Variants in INO80 observed in about 807,000 individuals in gnomAD.
INO80 encodes INO80 complex ATPase subunit, also known as chromatin-remodeling ATPase INO80.
Under a neutral mutation model 203.4 loss-of-function variants are expected in INO80, and 20 were observed. The ratio of observed to expected loss-of-function variants is 0.10; its 90% CI spans 0.07 to 0.14. The LOEUF (loss-of-function observed/expected upper bound fraction) is 0.14, where lower values mean the gene tolerates loss of function less well. Among genes scored for constraint, INO80 ranks in the 10% least tolerant of loss-of-function variants. The pLI, the probability that INO80 is intolerant of heterozygous loss-of-function variation, is 1.00. For missense variants in INO80, 1,419 were observed against 1,914.4 expected (o/e 0.74, Z 4.83); for synonymous variants, 726 against 685.2 (o/e 1.06, Z -0.93).
chr15:41,060,565 A>C (rs574641799), intron 14 of INO80, among the ~76,000 whole-genome samples: 2 of 152,190 alleles, frequency 1.3e-5, no homozygotes, highest in South Asian at 2.1e-4. Flanking sequence ...AGGAAAAAAA[A>C]AAAACAAAAA....
chr15:41,066,529 C>T (rs1215893609), intron 14 of INO80, among the ~76,000 whole-genome samples: 1 of 150,696 alleles, frequency 6.6e-6, no homozygotes, highest in Non-Finnish European at 1.5e-5. Context: ...TATTGGGGCA[C>T]TAGGAAAAAA....
chr15:41,050,353 T>G (rs1296736109), intron 19 of INO80, among the ~76,000 whole-genome samples: 5 of 152,156 alleles, frequency 3.3e-5, no homozygotes, highest in African/African-American at 1.2e-4. Context: ...CTGTGCCAAC[T>G]AACACCCATC....
At chr15:41,059,759 T>C (rs1302841210) in intron 15 of INO80, 108 bp downstream of exon 15, 1 of 689,472 alleles carries the variant, frequency 1.5e-6, no homozygotes, top group South Asian at 2.4e-5. Flanking sequence ...TGTCCAGAAA[T>C]ATATAATAGA....
chr15:40,984,163 C>T (rs569617998), intron 33 of INO80, 34 bp downstream of exon 33: 95 of 1,606,286 alleles, frequency 5.9e-5, no homozygotes, highest in South Asian at 2.6e-4. Flanking sequence ...ACACTCCTTA[C>T]GGCTGTGATG....
chr15:41,105,408 T>A (rs777248720), intron 1 of INO80, among the ~76,000 whole-genome samples: 3 of 152,208 alleles, frequency 2.0e-5, no homozygotes, highest in Admixed American at 6.6e-5. Flanking sequence ...ATGTTTCATA[T>A]GTGTTTGCAT....
In INO80 at chr15:40,983,664, A is replaced by T. The variant is rs898183956; in HGVS notation, c.4237+98T>A. The T allele has an allele frequency of 2.9e-6, 3 of 1,046,568 alleles. No individual in the cohort carries two copies. The African/African-American group carries it at 4.8e-5, about 17-fold the overall frequency. The allele number at this position is 1,046,568 out of a possible 1,614,324, so 64.8% of individuals were successfully genotyped here. On this transcript the variant is annotated intron_variant, in intron 34 of 35. Transcript: ENST00000648947. ...CTTGACAAAGCTATTGAAAGAATAA[A>T]AATACCATTATCCTAGAAGGAATCA...
chr15:41,037,498 C>T (rs2044597568), intron 24 of INO80, among the ~76,000 whole-genome samples: 1 of 151,032 alleles, frequency 6.6e-6, no homozygotes, highest in Non-Finnish European at 1.5e-5. Flanking sequence ...AGCAAGACTC[C>T]ATCTCCAAAA....
chr15:41,027,703 T>C lies in INO80; in HGVS notation c.2941A>G (p.Ser981Gly), dbSNP rs1336881242. The change falls in exon 25 of 36, where the codon AGT becomes GGT. Residue 981 changes from serine to glycine, a missense_variant. Coordinates refer to ENST00000648947, the MANE Select transcript of INO80 (RefSeq NM_017553.3). ...LVFSSHCKAV[S>G]GYSDQVVHQR... ...TGGACAACCTGGTCTGAGTAGCCAC[T>C]CACTGCTTTACAGTGGCTGCTGAAA... is the stretch of plus-strand genomic sequence containing the variant. 6.2e-7 allele frequency: 1 copy of C among 1,611,468 alleles called. No homozygotes were observed.
At chr15:41,046,242 T>C (rs1021657565) in intron 23 of INO80, among the ~76,000 whole-genome samples, 2 of 60,184 alleles carry the variant, frequency 3.3e-5, no homozygotes, top group African/African-American at 9.8e-5. Flanking sequence ...TATATATATA[T>C]ATATATATAT....
intron 29 of INO80, among the ~76,000 whole-genome samples, chr15:40,995,121 G>A: frequency 6.6e-6 from 1 of 152,256 alleles, no homozygotes; most frequent in South Asian, 2.1e-4. Context: ...CTCCCAAAGT[G>A]CTGGGATTAC....
At chr15:41,066,027 T>C (rs1467973426) in intron 14 of INO80, among the ~76,000 whole-genome samples, 2 of 151,068 alleles carry the variant, frequency 1.3e-5, no homozygotes, top group East Asian at 1.9e-4. Flanking sequence ...AGTTGTGCTC[T>C]TGTTGCCCAG....
rs752829558 is a variant in INO80, at chr15:41,079,731, C to T, written c.1101G>A (p.Glu367=). 2.1e-5 allele frequency: 34 copies of T among 1,614,080 alleles called. No individual in the cohort carries two copies. Among genetic ancestry groups the T allele is most frequent in the Non-Finnish European group, 2.8e-5 (33 of 1,180,048 alleles). ...HRKRAEKEAL[E]QRKLDEEMRE... is the part of the protein sequence containing the mutation. Reference sequence around the variant, plus strand: ...GCATTTCCTCATCCAACTTCCGCTGCTCCAAAGCTTCCTTCTCTGCTCTCT... The same window carrying T: ...GCATTTCCTCATCCAACTTCCGCTGTTCCAAAGCTTCCTTCTCTGCTCTCT... Residue 367 remains glutamate (E), a synonymous_variant, in exon 9 of 36, where the codon GAG becomes GAA. Transcript: ENST00000648947.
rs957578118 is a variant in INO80, at chr15:41,044,316, G to A, written c.2907+588C>T. Among the ~76,000 whole-genome samples the A allele has an allele frequency of 4.6e-5, 7 of 152,176 alleles. No homozygotes were observed. The South Asian group carries it at 1.5e-3, about 32-fold the overall frequency. On this transcript the variant is annotated intron_variant, in intron 24 of 35. Transcript: ENST00000648947. The stretch of plus-strand genomic sequence containing the variant: ...AACAAACAAAATATCTACCACAGTA[G>A]AACAGATTAATAAATTGTGGTCCAT...
At position 41,096,160 on chromosome 15, in the gene INO80, T is replaced by A; in HGVS notation, c.143+8A>T. 1.9e-6 allele frequency: 3 copies of A among 1,597,466 alleles called. No individual in the cohort carries two copies. The highest frequency in any genetic ancestry group is 1.7e-6 in the Non-Finnish European group (2 of 1,174,840). ...GGTAAAACATATTGCAAAGATACAA[T>A]AACATACCTAGAAATATTCCTATTG... is the stretch of plus-strand genomic sequence containing the variant. On this transcript the variant is annotated splice_region_variant and intron_variant, in intron 2 of 35. Coordinates refer to ENST00000648947, the MANE Select transcript of INO80 (RefSeq NM_017553.3).
At chr15:40,985,940 A>G (rs1279807995) in intron 31 of INO80, among the ~76,000 whole-genome samples, 2 of 152,108 alleles carry the variant, frequency 1.3e-5, no homozygotes, top group Non-Finnish European at 2.9e-5. Context: ...TCCTCATGTT[A>G]TTCTTTTTCC....
Position 41,027,652 on chromosome 15 carries a change from G to T in INO80, c.2992C>A (p.Leu998Met), listed in dbSNP as rs760438102. The change falls in exon 25 of 36, where the codon CTG becomes ATG. Residue 998 changes from leucine (L) to methionine (M), a missense_variant. Around this residue, in one of 9 missense-constraint regions of INO80, gnomAD observed 302 missense variants for 345.4 expected, o/e 0.87. Coordinates refer to ENST00000648947, the MANE Select transcript of INO80 (RefSeq NM_017553.3). ...AGCTCAGTGAGCAGGCAGCGACGCAGCGAGGAGGTAGCTGATCTCCGCTGA... is the reference window on the plus strand; with the variant it reads ...AGCTCAGTGAGCAGGCAGCGACGCATCGAGGAGGTAGCTGATCTCCGCTGA... Reference protein sequence around the residue: ...VHQRRSATSSLRRCLLTELPS... With the variant: ...VHQRRSATSSMRRCLLTELPS... 6.2e-7 allele frequency: 1 copy of T among 1,613,848 alleles called. No homozygotes were observed. Among genetic ancestry groups the T allele is most frequent in the African/African-American group, 1.3e-5 (1 of 74,940 alleles).
At chr15:41,051,860 AGGCAGGCGAGTCGCTTGAATCC>A (rs1195967900) in intron 19 of INO80, among the ~76,000 whole-genome samples, 1 of 152,190 alleles carries the variant, frequency 6.6e-6, no homozygotes, top group Non-Finnish European at 1.5e-5. Context: ...AGGGAGGCTG[AGGCAGGCGAGTCGCTTGAATCC>A]GGCAGGCGGA....
intron 7 of INO80, among the ~76,000 whole-genome samples, chr15:41,084,142 G>A (rs1309416383): frequency 6.6e-6 from 1 of 151,036 alleles, no homozygotes; most frequent in Non-Finnish European, 1.5e-5. Context: ...TAAACAACTG[G>A]TGAATCTCAC....
At chr15:41,037,709 G>A (rs935982856) in intron 24 of INO80, among the ~76,000 whole-genome samples, 2 of 151,812 alleles carry the variant, frequency 1.3e-5, no homozygotes, top group South Asian at 2.1e-4. Context: ...TTGAAAGGCC[G>A]AGGCGAGAGG....
Sources: gnomAD v4.1 joint callset for allele counts (sites outside exome capture counted in the v4.1 genomes callset) on GRCh38, gnomAD v4.1.1 for gene constraint, gnomAD v4.1.1 regional missense constraint, MANE v1.5 for transcripts, NCBI Gene and HGNC (gene_info 2026-07-23, HGNC 2026-07-21) for gene names.